The following ATRNL1 variants were observed in gnomAD, a reference collection of about 807,000 sequenced individuals.
ATRNL1 encodes the protein attractin like 1, also known as attractin-like protein 1.
A neutral mutation model predicts 182.7 loss-of-function variants in ATRNL1; 95 were observed. The ratio of observed to expected loss-of-function variants is 0.52; its 90% CI spans 0.44 to 0.62. The LOEUF (loss-of-function observed/expected upper bound fraction) is 0.62, where lower values mean the gene tolerates loss of function less well. ATRNL1 is among the 20% of genes least tolerant of loss of function. The probability of loss-of-function intolerance (pLI) is 0.00; values close to 1 mark genes in which losing one functional copy is unlikely to be tolerated. For synonymous variants in ATRNL1, 576 were observed against 568.3 expected (o/e 1.01, Z -0.19); for missense variants, 1,471 against 1,679.5 (o/e 0.88, Z 2.17).
intron 21 of ATRNL1, among the ~76,000 whole-genome samples, chr10:115,461,200 A>C (rs1407906618): frequency 6.6e-6 from 1 of 152,114 alleles, no homozygotes; most frequent in Non-Finnish European, 1.5e-5. Flanking sequence ...ATTTAAAATA[A>C]TTGGAAATAA....
intron 15 of ATRNL1, among the ~76,000 whole-genome samples, chr10:115,296,418 C>T (rs1554922618): frequency 1.3e-5 from 2 of 152,214 alleles, no homozygotes; most frequent in Non-Finnish European, 2.9e-5. Flanking sequence ...ATCTTGCTGA[C>T]ATCACTGCTG....
chr10:115,204,842 A>T (rs1554893402), intron 8 of ATRNL1, among the ~76,000 whole-genome samples: 1 of 151,986 alleles, frequency 6.6e-6, no homozygotes, highest in African/African-American at 2.4e-5. Context: ...TTTGAAAAGG[A>T]TTGTTGTTAA....
intron 27 of ATRNL1, among the ~76,000 whole-genome samples, chr10:115,748,345 G>A (rs1240173811): frequency 6.8e-6 from 1 of 147,750 alleles, no homozygotes; most frequent in Non-Finnish European, 1.5e-5. Context: ...CTGATCAGCT[G>A]CATCTTTTTT....
chr10:115,682,925 C>T (rs1360681723), intron 26 of ATRNL1, among the ~76,000 whole-genome samples: 2 of 152,130 alleles, frequency 1.3e-5, no homozygotes, highest in Non-Finnish European at 2.9e-5. Context: ...GATTTGAATT[C>T]TGGTTCTGCC....
intron 27 of ATRNL1, among the ~76,000 whole-genome samples, chr10:115,751,301 G>T (rs530165029): frequency 6.6e-6 from 1 of 151,988 alleles, no homozygotes; most frequent in Non-Finnish European, 1.5e-5. Context: ...ATCTGCTGTC[G>T]CCCTGATTTT....
chr10:115,111,358 G>A (rs1844248515), intron 1 of ATRNL1, among the ~76,000 whole-genome samples: 3 of 152,196 alleles, frequency 2.0e-5, no homozygotes, highest in Non-Finnish European at 4.4e-5. Flanking sequence ...GTATTGCTAC[G>A]AAGGAATACT....
At chr10:115,368,868 C>T (rs1857227374) in intron 19 of ATRNL1, among the ~76,000 whole-genome samples, 1 of 152,014 alleles carries the variant, frequency 6.6e-6, no homozygotes, top group Non-Finnish European at 1.5e-5. Flanking sequence ...TGCCCACCAC[C>T]ACGCCTGGCT....
At chr10:115,792,203 A>C (rs1565382714) in intron 27 of ATRNL1, among the ~76,000 whole-genome samples, 2 of 152,146 alleles carry the variant, frequency 1.3e-5, no homozygotes, top group South Asian at 4.1e-4. Flanking sequence ...GCCTATTTGC[A>C]AGTATCCTTC....
chr10:115,714,977 A>G (rs1426786633), intron 26 of ATRNL1, among the ~76,000 whole-genome samples: 1 of 152,174 alleles, frequency 6.6e-6, no homozygotes, highest in African/African-American at 2.4e-5. Flanking sequence ...AAAATTTACC[A>G]GTTGGTTGGT....
intron 19 of ATRNL1, among the ~76,000 whole-genome samples, chr10:115,377,177 T>C (rs1454958330): frequency 1.3e-5 from 2 of 152,208 alleles, no homozygotes; most frequent in African/African-American, 2.4e-5. Context: ...TCATCTTAAA[T>C]TGTAGCTCCC....
chr10:115,331,786 T>C (rs1855236467), intron 18 of ATRNL1, among the ~76,000 whole-genome samples: 1 of 152,202 alleles, frequency 6.6e-6, no homozygotes, highest in Non-Finnish European at 1.5e-5. Context: ...GAAGGTGCTC[T>C]GAGCCCAGCT....
chr10:115,732,470 G>A (rs1288099226), intron 27 of ATRNL1, among the ~76,000 whole-genome samples: 6 of 152,050 alleles, frequency 3.9e-5, no homozygotes, highest in East Asian at 1.9e-4. Flanking sequence ...CAACTTCCTA[G>A]GTCTTGGGAA....
intron 27 of ATRNL1, among the ~76,000 whole-genome samples, chr10:115,789,842 T>G (rs1196575657): frequency 6.6e-6 from 1 of 152,144 alleles, no homozygotes; most frequent in African/African-American, 2.4e-5. Flanking sequence ...TTGAGCAGTT[T>G]AAATGCTCCA....
intron 20 of ATRNL1, among the ~76,000 whole-genome samples, chr10:115,401,721 T>A (rs1022429359): frequency 4.6e-5 from 7 of 152,134 alleles, no homozygotes; most frequent in Admixed American, 4.6e-4. Context: ...AAACGGGACA[T>A]ATTTGAAAAG....
At chr10:115,244,185 A>G (rs782503289) in intron 10 of ATRNL1, among the ~76,000 whole-genome samples, 1 of 152,142 alleles carries the variant, frequency 6.6e-6, no homozygotes, top group East Asian at 1.9e-4. Context: ...AAGGCACTTA[A>G]AAGCTTAGCT....
chr10:115,355,929 T>A (rs1386015874), intron 19 of ATRNL1, among the ~76,000 whole-genome samples: 2 of 152,054 alleles, frequency 1.3e-5, no homozygotes, highest in African/African-American at 4.8e-5. Flanking sequence ...TTTTTCAGTT[T>A]TGGGGAAAAA....
intron 19 of ATRNL1, among the ~76,000 whole-genome samples, chr10:115,349,467 A>G (rs942893072): frequency 1.3e-5 from 2 of 152,138 alleles, no homozygotes; most frequent in Non-Finnish European, 2.9e-5. Context: ...CTTCTTTTGG[A>G]TATAACCAGT....
chr10:115,232,302 T>C (rs1554900189), intron 9 of ATRNL1, among the ~76,000 whole-genome samples: 1 of 152,198 alleles, frequency 6.6e-6, no homozygotes, highest in Non-Finnish European at 1.5e-5. Context: ...ATATGGTGAG[T>C]ATAAAATGGT....
intron 10 of ATRNL1, among the ~76,000 whole-genome samples, chr10:115,253,201 G>A (rs782118851): frequency 2.6e-4 from 39 of 152,218 alleles, no homozygotes; most frequent in Non-Finnish European, 4.0e-4. Context: ...TGGACAAAGG[G>A]AGAAGTTGAG....
Sources: allele counts gnomAD v4.1 joint callset (sites outside exome capture counted in the v4.1 genomes callset), GRCh38; gene constraint gnomAD v4.1.1; transcripts MANE v1.5; gene names NCBI Gene and HGNC (gene_info 2026-07-23, HGNC 2026-07-21).